The following CTNNA2 variants were observed in gnomAD, a reference collection of about 807,000 sequenced individuals.
CTNNA2 encodes the protein catenin alpha 2.
In CTNNA2, 42 loss-of-function variants were observed where a neutral mutation model predicts 101.0. The observed-to-expected ratio is 0.42, with a 90% CI of 0.32 to 0.54. The LOEUF (loss-of-function observed/expected upper bound fraction) is 0.54. Ranked by LOEUF, CTNNA2 falls within the 20% of genes least tolerant of loss-of-function variation. CTNNA2 has a pLI of 0.14. For synonymous variants in CTNNA2, 450 were observed against 456.4 expected (o/e 0.99, Z 0.18); for missense variants, 871 against 1,223.1 (o/e 0.71, Z 4.29).
chr2:80,271,629 A>C (rs901562151), intron 7 of CTNNA2, among the ~76,000 whole-genome samples: 8 of 152,032 alleles, frequency 5.3e-5, no homozygotes, highest in African/African-American at 1.9e-4. Flanking sequence ...TCACCGTGTT[A>C]GCCAGGATGG....
intron 7 of CTNNA2, among the ~76,000 whole-genome samples, chr2:80,079,583 G>A (rs1044271650): frequency 6.6e-6 from 1 of 152,108 alleles, no homozygotes; most frequent in African/African-American, 2.4e-5. Context: ...GGAGGCTGAG[G>A]CGGGCAGATC....
At chr2:79,910,831 A>C (rs1179776237) in intron 7 of CTNNA2, among the ~76,000 whole-genome samples, 1 of 152,200 alleles carries the variant, frequency 6.6e-6, no homozygotes, top group Admixed American at 6.5e-5. Flanking sequence ...AAAAATATGT[A>C]GCTAACAGAC....
intron 4 of CTNNA2, among the ~76,000 whole-genome samples, chr2:79,858,597 T>C (rs1681332567): frequency 6.6e-6 from 1 of 152,094 alleles, no homozygotes; most frequent in Non-Finnish European, 1.5e-5. Flanking sequence ...TAGTGTGGAT[T>C]ACATGTTGAA....
chr2:80,563,382 G>A (rs1305641979), intron 12 of CTNNA2, among the ~76,000 whole-genome samples: 1 of 152,172 alleles, frequency 6.6e-6, no homozygotes, highest in East Asian at 1.9e-4. Flanking sequence ...TCATTTGGAA[G>A]CACATGTGGT....
Position 79,214,687 on chromosome 2 carries a change from C to T in CTNNA2, c.-406+16611C>T, listed in dbSNP as rs190771980. ...AAGGTGGGGGGATACGAGAGGAAGA[C>T]GCAAAGGAGGCTTTGGGTTGGGGAA... On this transcript the variant is annotated intron_variant, in intron 2 of 21. Coordinates refer to the CTNNA2 transcript ENST00000466387. 3.8e-4 allele frequency among the ~76,000 whole-genome samples: 58 copies of T among 151,890 alleles called. 1 individual carries two copies. The highest frequency in any genetic ancestry group is 2.4e-3 in the Admixed American group (36 of 15,206).
intron 4 of CTNNA2, among the ~76,000 whole-genome samples, chr2:79,405,829 TG>T (rs1678335203): frequency 6.6e-6 from 1 of 152,076 alleles, no homozygotes; most frequent in African/African-American, 2.4e-5. Flanking sequence ...TGATAATAAA[TG>T]AGTGTTGTTT....
chr2:80,468,615 G>A (rs1021428713), intron 9 of CTNNA2, among the ~76,000 whole-genome samples: 9 of 152,004 alleles, frequency 5.9e-5, no homozygotes, highest in Admixed American at 4.6e-4. Context: ...ACGGGGTTTC[G>A]CCATATTGGC....
At chr2:80,306,420 CT>C (rs1355704502) in intron 7 of CTNNA2, among the ~76,000 whole-genome samples, 1 of 141,424 alleles carries the variant, frequency 7.1e-6, no homozygotes, top group African/African-American at 2.7e-5. Context: ...TTCTTTCTTT[CT>C]TTCTTTCTTT....
intron 7 of CTNNA2, among the ~76,000 whole-genome samples, chr2:80,260,196 T>C (rs1672498921): frequency 6.6e-6 from 1 of 152,278 alleles, no homozygotes; most frequent in South Asian, 2.1e-4. Context: ...GCCTGCACTC[T>C]CAACCATCAT....
At chr2:80,551,133 T>G (rs1181862276) in intron 11 of CTNNA2, among the ~76,000 whole-genome samples, 2 of 152,218 alleles carry the variant, frequency 1.3e-5, no homozygotes, top group Non-Finnish European at 2.9e-5. Context: ...ACCAGGTGCA[T>G]TTTCAATGAG....
intron 8 of CTNNA2, among the ~76,000 whole-genome samples, chr2:80,419,117 C>G (rs569250931): frequency 7.9e-5 from 12 of 152,198 alleles, no homozygotes; most frequent in Non-Finnish European, 1.6e-4. Context: ...TTCAAAGAGC[C>G]TGAATTCTTC....
intron 1 of CTNNA2, among the ~76,000 whole-genome samples, chr2:79,630,131 C>T (rs1679589957): frequency 6.6e-6 from 1 of 152,210 alleles, no homozygotes; most frequent in Non-Finnish European, 1.5e-5. Flanking sequence ...TTTATTCATT[C>T]CTTCCTGCCG....
intron 2 of CTNNA2, among the ~76,000 whole-genome samples, chr2:79,717,752 G>T (rs1484229512): frequency 6.6e-6 from 1 of 152,188 alleles, no homozygotes. Context: ...TAGTGATAAG[G>T]TGGGTATCTA....
chr2:80,241,488 G>A (rs1437807843), intron 7 of CTNNA2, among the ~76,000 whole-genome samples: 1 of 151,624 alleles, frequency 6.6e-6, no homozygotes, highest in Non-Finnish European at 1.5e-5. Flanking sequence ...TTCATTATGA[G>A]CTATACAGGT....
chr2:79,804,746 T>G (rs1676436556), intron 3 of CTNNA2, among the ~76,000 whole-genome samples: 1 of 152,206 alleles, frequency 6.6e-6, no homozygotes, highest in Non-Finnish European at 1.5e-5. Flanking sequence ...GACCATGGAT[T>G]AGAGATTGAG....
intron 2 of CTNNA2, among the ~76,000 whole-genome samples, chr2:79,690,825 G>A (rs1185054592): frequency 6.6e-6 from 1 of 151,924 alleles, no homozygotes; most frequent in Non-Finnish European, 1.5e-5. Flanking sequence ...TATACAGTAG[G>A]TTGTGTGTTC....
At chr2:79,925,643 C>T (rs1048375675) in intron 7 of CTNNA2, among the ~76,000 whole-genome samples, 11 of 152,030 alleles carry the variant, frequency 7.2e-5, no homozygotes, top group Non-Finnish European at 1.5e-4. Flanking sequence ...TTTGATGCTG[C>T]ATTTCATGGA....
At chr2:80,045,533 A>G (rs1450603397) in intron 7 of CTNNA2, among the ~76,000 whole-genome samples, 3 of 152,202 alleles carry the variant, frequency 2.0e-5, no homozygotes, top group African/African-American at 7.2e-5. Context: ...TAAATAAATA[A>G]TTACAGTGAA....
intron 18 of CTNNA2, among the ~76,000 whole-genome samples, chr2:80,636,834 C>T (rs1006979661): frequency 6.6e-5 from 10 of 152,108 alleles, no homozygotes; most frequent in African/African-American, 1.7e-4. Flanking sequence ...CCTAAATGTT[C>T]TTAGATATTT....
Sources: gnomAD v4.1 joint callset for allele counts (sites outside exome capture counted in the v4.1 genomes callset) on GRCh38, gnomAD v4.1.1 for gene constraint, MANE v1.5 for transcripts, NCBI Gene and HGNC (gene_info 2026-07-23, HGNC 2026-07-21) for gene names.